Variants in THBS2 observed in about 807,000 individuals in gnomAD.
The protein encoded by THBS2 is thrombospondin 2, also known as thrombospondin-2.
THBS2 carries 47 observed loss-of-function variants against 135.2 expected under a neutral mutation model. The observed-to-expected ratio is 0.35, with a 90% CI of 0.28 to 0.44. The LOEUF (loss-of-function observed/expected upper bound fraction) is 0.44, where lower values mean the gene tolerates loss of function less well. Ranked by LOEUF, THBS2 falls within the 20% of genes least tolerant of loss-of-function variation. The pLI is 1.00. For synonymous variants in THBS2, 639 were observed against 633.8 expected (o/e 1.01, Z -0.12); for missense variants, 1,288 against 1,603.1 (o/e 0.80, Z 3.36).
At chr6:169,229,769 G>C in intron 13 of THBS2, 90 bp from the exon 14 acceptor site, 5 of 1,027,730 alleles carry the variant, frequency 4.9e-6, no homozygotes, top group Non-Finnish European at 7.4e-6. Context: ...GCATGGCGCC[G>C]AGGAAGGAAG....
chr6:169,230,333 G>A (rs958788610), intron 13 of THBS2, among the ~76,000 whole-genome samples: 10 of 152,156 alleles, frequency 6.6e-5, no homozygotes, highest in Admixed American at 1.3e-4. Context: ...TAGCGTGTCC[G>A]TTTCAGTTTC....
Position 169,223,291 on chromosome 6 carries a change from C to T in THBS2, c.2958G>A (p.Lys986=). Residue 986 remains lysine (K), a synonymous_variant, in exon 18 of 22, where the codon AAG becomes AAA. Coordinates refer to ENST00000617924, the MANE Select transcript of THBS2 (RefSeq NM_003247.5). ...CCGAGTTGGCTGTCTGAACCAGCTC[C>T]TTGCCTTGATGGCGAATGACCCAGT... The part of the protein sequence containing the change: ...DPNWVIRHQG[K]ELVQTANSDP... The T allele has an allele frequency of 1.2e-6, 2 of 1,614,188 alleles. No homozygotes were observed. The highest frequency in any genetic ancestry group is 1.3e-5 in the African/African-American group (1 of 75,064).
chr6:169,253,030 C>A (rs987098678), intron 1 of THBS2, among the ~76,000 whole-genome samples: 1 of 152,148 alleles, frequency 6.6e-6, no homozygotes, highest in African/African-American at 2.4e-5. Flanking sequence ...CCTGCCAGCT[C>A]GCTTTTCATA....
At chr6:169,222,957 T>A (rs1779486339) in intron 18 of THBS2, among the ~76,000 whole-genome samples, 1 of 152,158 alleles carries the variant, frequency 6.6e-6, no homozygotes. Context: ...ATTGAAGGTA[T>A]TTCTTTTAGA....
chr6:169,219,781 T>C, intron 21 of THBS2: 1 of 521,042 alleles, frequency 1.9e-6, no homozygotes, highest in Non-Finnish European at 3.8e-6. Context: ...GTCTATAATA[T>C]TTTGATTCAA....
At position 169,234,888 on chromosome 6, in the gene THBS2, G is replaced by C. The variant is rs777797546; in HGVS notation, c.1497C>G (p.Pro499=). ...CAGTGCAGGCCGACCACGGGGACCA[G>C]GGGCTCCAGCGGCCATCGACTGCGG... ...APCPIDGRWS[P]WSPWSACTVT... The change falls in exon 10 of 22, where the codon CCC becomes CCG. Residue 499 remains proline, a synonymous_variant. Coordinates refer to ENST00000617924, the MANE Select transcript of THBS2 (RefSeq NM_003247.5). The C allele has an allele frequency of 1.2e-6, 2 of 1,609,264 alleles. No individual in the cohort carries two copies. Among genetic ancestry groups the C allele is most frequent in the South Asian group, 2.2e-5 (2 of 90,680 alleles).
intron 15 of THBS2, 108 bp from the exon 16 acceptor site, chr6:169,226,406 T>G: frequency 1.5e-6 from 1 of 688,044 alleles, no homozygotes; most frequent in South Asian, 2.1e-5. Flanking sequence ...ACAGCCACAC[T>G]TCTATTTAAT....
chr6:169,224,982 G>A (rs948914384), intron 17 of THBS2, among the ~76,000 whole-genome samples, 163 bp downstream of exon 17: 3 of 152,192 alleles, frequency 2.0e-5, no homozygotes, highest in African/African-American at 7.2e-5. Flanking sequence ...TGTCAGGGGA[G>A]AAGAAACTCA....
chr6:169,248,766 G>C lies in THBS2; in HGVS notation c.260C>G (p.Thr87Arg), dbSNP rs757929890. Residue 87 changes from threonine to arginine, a missense_variant, in exon 3 of 22, where the codon ACG becomes AGG. By Grantham distance (71) the Thr-to-Arg change is moderately conservative. Around this residue, in one of 2 missense-constraint regions of THBS2, gnomAD observed 414 missense variants for 447.0 expected, o/e 0.93. Coordinates refer to ENST00000617924, the MANE Select transcript of THBS2 (RefSeq NM_003247.5). ...CTTGCCGTCCTGCTTGAGCTGGGCCGTGAGGAAGAAGCCCTCCTTCTGCCG... is the reference window on the plus strand; with the variant it reads ...CTTGCCGTCCTGCTTGAGCTGGGCCCTGAGGAAGAAGCCCTCCTTCTGCCG... ...IMRQKEGFFL[T>R]AQLKQDGKSR... 1.9e-6 allele frequency: 3 copies of C among 1,612,574 alleles called. No individual in the cohort carries two copies. In the Admixed American group the frequency reaches 5.0e-5, roughly 27 times the overall value.
At chr6:169,228,333 C>T (rs762145893) in intron 14 of THBS2, 52 bp from the exon 15 acceptor site, 9 of 1,599,638 alleles carry the variant, frequency 5.6e-6, no homozygotes, top group Admixed American at 3.4e-5. Flanking sequence ...GAATGTGTGT[C>T]GGGCCGTTTA....
intron 3 of THBS2, 130 bp downstream of exon 3, chr6:169,248,287 G>C: frequency 9.2e-7 from 1 of 1,085,642 alleles, no homozygotes; most frequent in Non-Finnish European, 1.3e-6. Context: ...GCACATGCCG[G>C]GATGTGCAGT....
Position 169,237,362 on chromosome 6 carries a change from G to A in THBS2, c.1301-16C>T. On this transcript the variant is annotated splice_polypyrimidine_tract_variant and intron_variant, in intron 8 of 21. Coordinates refer to ENST00000617924, the MANE Select transcript of THBS2 (RefSeq NM_003247.5). ...TCCTGCCGGACTAACACAAGAAGCG[G>A]AGAGAGATCAGGCTGTGCCGCCTAG... 1.9e-6 allele frequency: 3 copies of A among 1,612,608 alleles called. No homozygotes were observed. Among genetic ancestry groups the A allele is most frequent in the South Asian group, 2.2e-5 (2 of 91,082 alleles).
rs571425664 is a variant in THBS2, at chr6:169,230,748, T to C, written c.2152-1069A>G. 1.8e-3 allele frequency among the ~76,000 whole-genome samples: 280 copies of C among 152,312 alleles called. 1 individual carries two copies. The highest frequency in any genetic ancestry group is 6.5e-3 in the African/African-American group (270 of 41,570). ...ACGGACTCAGCTGCAGCTGACCTTC[T>C]GAAATCAGGGGCTTCAAGAAGGGTA... On this transcript the variant is annotated intron_variant, in intron 13 of 21. Transcript: ENST00000617924.
chr6:169,232,262 G>T, intron 12 of THBS2, 64 bp from the exon 13 acceptor site: 1 of 1,569,486 alleles, frequency 6.4e-7, no homozygotes, highest in Non-Finnish European at 8.7e-7. Flanking sequence ...GCGTCGAGGC[G>T]GGGCGTCGGG....
At position 169,240,391 on chromosome 6, in the gene THBS2, A is replaced by G. The variant is rs949917449; in HGVS notation, c.1032+61T>C. 5.7e-6 allele frequency: 9 copies of G among 1,588,942 alleles called. No homozygotes were observed. In the African/African-American group the frequency reaches 8.1e-5, roughly 14 times the overall value. On this transcript the variant is annotated intron_variant, in intron 6 of 21. Transcript: ENST00000617924. ...TGAACGCTGGCATTTCCAGGCAGTCAGGTTCTGCCAAGTGTCCGATGGTGG... is the reference window on the plus strand; with the variant it reads ...TGAACGCTGGCATTTCCAGGCAGTCGGGTTCTGCCAAGTGTCCGATGGTGG...
intron 15 of THBS2, among the ~76,000 whole-genome samples, chr6:169,227,163 G>A (rs11961266): frequency 0.26 from 39,897 of 151,984 alleles, 5,951 homozygotes; most frequent in African/African-American, 0.4. Context: ...AGGTTGGGGT[G>A]GCTCAGAAAG....
intron 19 of THBS2, 95 bp downstream of exon 19, chr6:169,222,102 A>C (rs1480979628): frequency 8.5e-6 from 12 of 1,417,248 alleles, no homozygotes; most frequent in Non-Finnish European, 6.6e-6. Flanking sequence ...TAATAAAGAC[A>C]AAAGTGGGGT....
intron 13 of THBS2, 58 bp downstream of exon 13, chr6:169,231,922 C>T: frequency 3.2e-6 from 5 of 1,583,936 alleles, no homozygotes; most frequent in Non-Finnish European, 4.3e-6. Flanking sequence ...GCGTCCCCGG[C>T]GCCAGGAGGA....
intron 8 of THBS2, 106 bp downstream of exon 8, chr6:169,237,519 C>G: frequency 6.4e-7 from 1 of 1,554,936 alleles, no homozygotes; most frequent in Non-Finnish European, 8.8e-7. Flanking sequence ...TTGCAAAGGC[C>G]CAGCACCTCG....
Sources: allele counts gnomAD v4.1 joint callset (sites outside exome capture counted in the v4.1 genomes callset), GRCh38; gene constraint gnomAD v4.1.1; regional missense constraint gnomAD v4.1.1; transcripts MANE v1.5; gene names NCBI Gene and HGNC (gene_info 2026-07-23, HGNC 2026-07-21).